The following CNTNAP2 variants were observed in gnomAD, a reference collection of about 807,000 sequenced individuals.
The protein encoded by CNTNAP2 is contactin associated protein 2.
CNTNAP2 carries 98 observed loss-of-function variants against 155.2 expected under a neutral mutation model. The observed-to-expected ratio is 0.63, with a 90% CI of 0.54 to 0.75. The LOEUF (loss-of-function observed/expected upper bound fraction) is 0.75, where lower values mean the gene tolerates loss of function less well. Ranked by LOEUF, CNTNAP2 falls within the 30% of genes least tolerant of loss-of-function variation. CNTNAP2 has a pLI of 0.00. For missense variants in CNTNAP2, 1,727 were observed against 1,688.1 expected, an observed-to-expected ratio of 1.02 and a Z score of -0.40; for synonymous variants, 651 against 631.2, an observed-to-expected ratio of 1.03 and a Z score of -0.47.
chr7:148,176,211 C>CTTTTTTTTTTTTTTT (rs1188113801), intron 18 of CNTNAP2, among the ~76,000 whole-genome samples: 5 of 92,794 alleles, frequency 5.4e-5, no homozygotes, highest in Admixed American at 1.4e-4. Context: ...CTTTCTTTCT[C>CTTTTTTTTTTTTTTT]TTTTTTTTTT....
At chr7:147,905,317 A>C (rs1799941317) in intron 14 of CNTNAP2, among the ~76,000 whole-genome samples, 1 of 152,206 alleles carries the variant, frequency 6.6e-6, no homozygotes, top group Admixed American at 6.5e-5. Flanking sequence ...TTCATTGTCC[A>C]GGCAGCCCAG....
At chr7:146,591,423 A>C (rs2372612) in intron 1 of CNTNAP2, among the ~76,000 whole-genome samples, 125,680 of 151,650 alleles carry the variant, frequency 0.83, 52,713 homozygotes, top group African/African-American at 0.9. Context: ...ATAATTGAGA[A>C]ATGTAAAATA....
At chr7:147,854,905 C>G (rs758931789) in intron 13 of CNTNAP2, among the ~76,000 whole-genome samples, 1 of 151,936 alleles carries the variant, frequency 6.6e-6, no homozygotes, top group Non-Finnish European at 1.5e-5. Flanking sequence ...GAGATATGCT[C>G]TCAGTACAAA....
At chr7:148,067,263 G>A (rs1423357246) in intron 15 of CNTNAP2, among the ~76,000 whole-genome samples, 1 of 152,198 alleles carries the variant, frequency 6.6e-6, no homozygotes, top group African/African-American at 2.4e-5. Context: ...TTTAAGTCCT[G>A]CTGTTCATTC....
chr7:147,978,790 G>C (rs56302407), intron 15 of CNTNAP2, among the ~76,000 whole-genome samples: 54,890 of 151,892 alleles, frequency 0.36, 12,064 homozygotes, highest in Middle Eastern at 0.63. Context: ...CTATGCTTTT[G>C]TGATTGTGTG....
At chr7:147,330,504 G>C (rs1795540288) in intron 9 of CNTNAP2, among the ~76,000 whole-genome samples, 2 of 152,114 alleles carry the variant, frequency 1.3e-5, no homozygotes, top group South Asian at 4.1e-4. Flanking sequence ...TTGATGGGTT[G>C]GACTTATGAT....
intron 1 of CNTNAP2, among the ~76,000 whole-genome samples, chr7:146,117,876 A>G (rs1000053855): frequency 6.6e-6 from 1 of 152,212 alleles, no homozygotes; most frequent in African/African-American, 2.4e-5. Context: ...AAGACTGCCT[A>G]TAGGAATCTT....
chr7:148,102,038 G>A (rs190534314), intron 15 of CNTNAP2, among the ~76,000 whole-genome samples: 114 of 152,182 alleles, frequency 7.5e-4, no homozygotes, highest in South Asian at 2.1e-4. Flanking sequence ...AGTTAAACTC[G>A]TGTGACGGGG....
rs141299626 is a variant in CNTNAP2 at position 147,130,026 on chromosome 7, A to T, written c.1083+1190A>T. On this transcript the variant is annotated intron_variant, in intron 7 of 23. Coordinates refer to ENST00000361727, the MANE Select transcript of CNTNAP2 (RefSeq NM_014141.6). ...AGAACAATACTGCAAGAAGGATACA[A>T]ACATTTTGTAGATGAAAACATTGCG... 2.6e-3 allele frequency among the ~76,000 whole-genome samples: 392 copies of T among 152,310 alleles called. 3 individuals carry two copies. The highest frequency in any genetic ancestry group is 8.9e-3 in the African/African-American group (372 of 41,578).
At chr7:147,742,992 T>C (rs74940049) in intron 13 of CNTNAP2, among the ~76,000 whole-genome samples, 4,904 of 152,300 alleles carry the variant, frequency 0.032, 254 homozygotes, top group African/African-American at 0.11. Context: ...TTCAGTTTCA[T>C]CACACAGTAA....
chr7:147,328,793 C>T (rs1240678934), intron 9 of CNTNAP2, among the ~76,000 whole-genome samples: 7 of 151,640 alleles, frequency 4.6e-5, no homozygotes, highest in African/African-American at 1.5e-4. Context: ...AGCCTGCAGG[C>T]GGGTGCCATA....
intron 4 of CNTNAP2, among the ~76,000 whole-genome samples, chr7:147,070,599 C>A (rs961814020): frequency 6.6e-6 from 1 of 152,122 alleles, no homozygotes; most frequent in African/African-American, 2.4e-5. Flanking sequence ...TTCTATATAG[C>A]CTACCTGTGG....
intron 4 of CNTNAP2, among the ~76,000 whole-genome samples, chr7:147,062,905 CAGA>C (rs2129263000): frequency 6.6e-6 from 1 of 152,140 alleles, no homozygotes; most frequent in South Asian, 2.1e-4. Flanking sequence ...AAGCATTTTC[CAGA>C]AGGAGTTGCC....
rs57930459 is a variant in CNTNAP2 at position 146,940,592 on chromosome 7, TAAG to T, written c.402+100692_402+100694del. Among the ~76,000 whole-genome samples the T allele has an allele frequency of 9.9e-5, 15 of 152,190 alleles. No homozygotes were observed. The East Asian group carries it at 2.5e-3, about 26-fold the overall frequency. ...TATTACCATATTACACATGCAGTGA[TAAG>T]AAGCCATTCTCATGATACCTTGTTG... On this transcript the variant is annotated intron_variant, in intron 3 of 23. Transcript: ENST00000361727.
intron 8 of CNTNAP2, among the ~76,000 whole-genome samples, chr7:147,140,431 C>A (rs1584750967): frequency 6.6e-6 from 1 of 151,984 alleles, no homozygotes; most frequent in Non-Finnish European, 1.5e-5. Flanking sequence ...TTATTTTTAA[C>A]CCTGACATGG....
Position 148,066,210 on chromosome 7 carries a change from G to A in CNTNAP2, c.2384-51908G>A, listed in dbSNP as rs554039232. ...ACCTGATGTTTTTGCCTCACAGCTC[G>A]TAAGATTCTTTCCTTTGTCTTGACT... On this transcript the variant is annotated intron_variant, in intron 15 of 23. Coordinates refer to ENST00000361727, the MANE Select transcript of CNTNAP2 (RefSeq NM_014141.6). Among the ~76,000 whole-genome samples the A allele has an allele frequency of 2.5e-3, 375 of 152,234 alleles. 1 individual carries two copies. Among genetic ancestry groups the A allele is most frequent in the African/African-American group, 8.2e-3 (342 of 41,546 alleles).
At chr7:147,469,088 G>C (rs1159527600) in intron 10 of CNTNAP2, among the ~76,000 whole-genome samples, 2 of 152,100 alleles carry the variant, frequency 1.3e-5, no homozygotes, top group African/African-American at 4.8e-5. Flanking sequence ...CTCCCAAAGT[G>C]CTGGGGTTAC....
At chr7:146,565,560 T>C (rs1798345269) in intron 1 of CNTNAP2, among the ~76,000 whole-genome samples, 1 of 152,206 alleles carries the variant, frequency 6.6e-6, no homozygotes, top group African/African-American at 2.4e-5. Context: ...TTGAAGTGAT[T>C]TGCTTTTTGA....
intron 11 of CNTNAP2, among the ~76,000 whole-genome samples, chr7:147,495,483 A>G (rs1798688814): frequency 6.6e-6 from 1 of 152,212 alleles, no homozygotes; most frequent in South Asian, 2.1e-4. Context: ...CATTATTAAT[A>G]AAACAAGAAT....
Sources: gnomAD v4.1 joint callset for allele counts (sites outside exome capture counted in the v4.1 genomes callset) on GRCh38, gnomAD v4.1.1 for gene constraint, MANE v1.5 for transcripts, NCBI Gene and HGNC (gene_info 2026-07-23, HGNC 2026-07-21) for gene names.